Variants in TTYH2 observed in about 807,000 individuals in gnomAD.
TTYH2 encodes the protein protein tweety homolog 2.
A neutral mutation model predicts 68.3 loss-of-function variants in TTYH2; 49 were observed. That is an observed-to-expected ratio of 0.72 (90% CI 0.57 to 0.91). The LOEUF is 0.91. Ranked by LOEUF, TTYH2 falls within the 40% of genes least tolerant of loss-of-function variation. The pLI is 0.00. For synonymous variants in TTYH2, 272 were observed against 300.8 expected (o/e 0.90, Z 0.99); for missense variants, 631 against 700.4 (o/e 0.90, Z 1.12).
intron 11 of TTYH2, 133 bp from the exon 12 acceptor site, chr17:74,252,948 T>C: frequency 1.1e-6 from 1 of 899,724 alleles, no homozygotes; most frequent in Non-Finnish European, 1.7e-6. Flanking sequence ...GGGACCGCGT[T>C]TTAGAGGAGT....
chr17:74,244,809 CAT>C (rs1192200570), intron 6 of TTYH2, among the ~76,000 whole-genome samples: 1 of 152,042 alleles, frequency 6.6e-6, no homozygotes, highest in East Asian at 1.9e-4. Flanking sequence ...AAGCAAGACT[CAT>C]AGGCAGATCA....
chr17:74,255,739 A>T (rs2050687104), intron 13 of TTYH2, among the ~76,000 whole-genome samples: 5 of 152,168 alleles, frequency 3.3e-5, no homozygotes, highest in Admixed American at 2.6e-4. Context: ...GCCCGGCCAG[A>T]GCTGTGGCAT....
Position 74,239,185 on chromosome 17 carries a change from G to T in TTYH2, c.635+1671G>T, listed in dbSNP as rs2050474620. ...GGCACTGGACACAATCGGCGGAGCA[G>T]GGACCTGCTGCCCCTCTCCAGGTGC... On this transcript the variant is annotated intron_variant, in intron 4 of 13. Coordinates refer to ENST00000269346, the MANE Select transcript of TTYH2 (RefSeq NM_032646.6). The surrounding 1 kb of genome is among the most constrained non-coding windows in gnomAD (Gnocchi z 5.3). Among the ~76,000 whole-genome samples the T allele has an allele frequency of 1.3e-5, 2 of 152,324 alleles. No individual in the cohort carries two copies. The highest frequency in any genetic ancestry group is 1.5e-5 in the Non-Finnish European group (1 of 68,038).
chr17:74,236,384 G>T (rs1428294573), intron 3 of TTYH2, among the ~76,000 whole-genome samples: 1 of 152,226 alleles, frequency 6.6e-6, no homozygotes, highest in Non-Finnish European at 1.5e-5. Context: ...CAAGGTCAAG[G>T]TAGCAACATA....
intron 12 of TTYH2, 125 bp downstream of exon 12, chr17:74,253,391 G>C: frequency 8.1e-7 from 1 of 1,239,054 alleles, no homozygotes. Flanking sequence ...TACAGCCACA[G>C]GGTGCCTGGA....
intron 10 of TTYH2, among the ~76,000 whole-genome samples, chr17:74,251,578 C>T (rs956566235): frequency 6.6e-6 from 1 of 152,058 alleles, no homozygotes; most frequent in Admixed American, 6.6e-5. Context: ...CAGCTGTACC[C>T]TGAATCCATC....
intron 1 of TTYH2, among the ~76,000 whole-genome samples, chr17:74,216,630 G>T (rs11871832): frequency 2.0e-5 from 3 of 152,256 alleles, no homozygotes; most frequent in South Asian, 4.1e-4. Context: ...CCAAGTCCTC[G>T]CAAAGGCCAC....
At position 74,237,374 on chromosome 17, in the gene TTYH2, C is replaced by T. The variant is rs1036617825; in HGVS notation, c.495C>T (p.Gly165=). ...ARLSEIFAAR[G]DYLQTLKFIQ... ...TCAGTGAGATCTTTGCTGCCCGGGG[C>T]GATTACCTGCAGACCCTGAAGTTCA... Residue 165 remains glycine, a synonymous_variant, in exon 4 of 14, where the codon GGC becomes GGT. Transcript: ENST00000269346. 10 of 1,614,024 alleles carry T rather than the reference C, an allele frequency of 6.2e-6. No homozygotes were observed. Among genetic ancestry groups the T allele is most frequent in the African/African-American group, 2.7e-5 (2 of 74,926 alleles).
chr17:74,252,413 C>T, intron 11 of TTYH2, 37 bp downstream of exon 11: 1 of 1,604,088 alleles, frequency 6.2e-7, no homozygotes. Flanking sequence ...CTCCCACAGC[C>T]TGGAGTTCTG....
At chr17:74,238,339 C>A (rs1416461698) in intron 4 of TTYH2, among the ~76,000 whole-genome samples, 2 of 152,192 alleles carry the variant, frequency 1.3e-5, no homozygotes, top group Non-Finnish European at 2.9e-5. Context: ...GCTCCCAGGG[C>A]CTGGGCCTAA....
Position 74,215,507 on chromosome 17 carries a change from C to T in TTYH2, c.129+1791C>T, listed in dbSNP as rs2143706355. On this transcript the variant is annotated intron_variant, in intron 1 of 13. Coordinates refer to ENST00000269346, the MANE Select transcript of TTYH2 (RefSeq NM_032646.6). The surrounding 1 kb of genome is among the most constrained non-coding windows in gnomAD (Gnocchi z 4.3). ...TCCTCCCAGGATTCTGGCCCCGGCT[C>T]ACTTTGTGCTGGGCATCAAATGGTT... The T allele has an allele frequency of 5.6e-6, 5 of 900,868 alleles. No individual in the cohort carries two copies. Among genetic ancestry groups the T allele is most frequent in the East Asian group, 2.7e-5 (1 of 37,484 alleles). The allele number at this position is 900,868 out of a possible 1,614,324, so 55.8% of individuals were successfully genotyped here.
intron 9 of TTYH2, 27 bp downstream of exon 9, chr17:74,250,055 A>G: frequency 6.2e-7 from 1 of 1,611,178 alleles, no homozygotes; most frequent in Non-Finnish European, 8.5e-7. Context: ...GGAAGAGGGG[A>G]GCCCCAGATG....
chr17:74,247,053 A>G (rs1325031837), intron 6 of TTYH2, among the ~76,000 whole-genome samples: 1 of 151,946 alleles, frequency 6.6e-6, no homozygotes, highest in East Asian at 1.9e-4. Flanking sequence ...ATAGTGGTGC[A>G]TTCCTATAAT....
chr17:74,244,883 T>TG (rs1341221052), intron 6 of TTYH2, among the ~76,000 whole-genome samples: 27 of 151,286 alleles, frequency 1.8e-4, no homozygotes, highest in African/African-American at 6.1e-4. Flanking sequence ...TGTGTGTGTG[T>TG]TTGTGTGTGT....
At chr17:74,245,437 C>T (rs911506095) in intron 6 of TTYH2, among the ~76,000 whole-genome samples, 3 of 152,246 alleles carry the variant, frequency 2.0e-5, no homozygotes, top group South Asian at 2.1e-4. Flanking sequence ...GGCCCCATCC[C>T]GCTTTCTGGG....
At chr17:74,247,172 ACT>A (rs1387499955) in intron 6 of TTYH2, among the ~76,000 whole-genome samples, 1 of 136,150 alleles carries the variant, frequency 7.3e-6, no homozygotes, top group African/African-American at 2.9e-5. Flanking sequence ...ACAGAGTGAG[ACT>A]CTGTCTCAAA....
intron 13 of TTYH2, among the ~76,000 whole-genome samples, chr17:74,259,245 C>T (rs888358460): frequency 3.9e-5 from 6 of 152,004 alleles, no homozygotes; most frequent in African/African-American, 1.5e-4. Flanking sequence ...GGTCTCGCTC[C>T]GTTGCCCAGG....
chr17:74,224,350 G>C (rs991062490), intron 2 of TTYH2, among the ~76,000 whole-genome samples: 1 of 152,020 alleles, frequency 6.6e-6, no homozygotes, highest in Non-Finnish European at 1.5e-5. Flanking sequence ...TCGCTCCATC[G>C]CACTCTAGCC....
chr17:74,253,749 C>G lies in TTYH2; in HGVS notation c.1446-6C>G. ...CCCCTCCTGAGCTCTCCTCTCATCC[C>G]CGCAGGAACCAAGCCATGCTCTTTG... On this transcript the variant is annotated splice_polypyrimidine_tract_variant and splice_region_variant and intron_variant, in intron 12 of 13. Coordinates refer to ENST00000269346, the MANE Select transcript of TTYH2 (RefSeq NM_032646.6). The G allele has an allele frequency of 6.2e-7, 1 of 1,614,146 alleles. No individual in the cohort carries two copies. The highest frequency in any genetic ancestry group is 8.5e-7 in the Non-Finnish European group (1 of 1,180,004).
Sources: allele counts gnomAD v4.1 joint callset (sites outside exome capture counted in the v4.1 genomes callset), GRCh38; gene constraint gnomAD v4.1.1; non-coding constraint Gnocchi (gnomAD v3.1); transcripts MANE v1.5; gene names NCBI Gene and HGNC (gene_info 2026-07-23, HGNC 2026-07-21).